The following CDH8 variants were observed in gnomAD, a reference collection of about 807,000 sequenced individuals.
CDH8 encodes cadherin-8.
A neutral mutation model predicts 68.1 loss-of-function variants in CDH8; 17 were observed. The observed-to-expected ratio is 0.25, with a 90% CI of 0.17 to 0.37. CDH8 has a LOEUF of 0.37. Among genes scored for constraint, CDH8 ranks in the 10% least tolerant of loss-of-function variants. The pLI, the probability that CDH8 is intolerant of heterozygous loss-of-function variation, is 1.00. For missense variants in CDH8, 763 were observed against 999.3 expected (o/e 0.76, Z 3.19); for synonymous variants, 372 against 365.1 (o/e 1.02, Z -0.21).
intron 4 of CDH8, among the ~76,000 whole-genome samples, chr16:61,838,112 G>A (rs943605621): frequency 2.6e-5 from 4 of 152,048 alleles, no homozygotes; most frequent in Non-Finnish European, 5.9e-5. Context: ...AGTGGCTTGT[G>A]CTTTTTATTC....
At chr16:61,930,653 C>A (rs1256933726) in intron 2 of CDH8, among the ~76,000 whole-genome samples, 3 of 152,174 alleles carry the variant, frequency 2.0e-5, no homozygotes, top group African/African-American at 7.2e-5. Flanking sequence ...GTGTTAAGAA[C>A]TATGTGGACC....
At chr16:61,720,333 C>T (rs1173947015) in intron 9 of CDH8, among the ~76,000 whole-genome samples, 2 of 150,998 alleles carry the variant, frequency 1.3e-5, no homozygotes, top group Non-Finnish European at 3.0e-5. Context: ...AAAACCTGCT[C>T]ATCATCATGG....
intron 2 of CDH8, among the ~76,000 whole-genome samples, chr16:61,926,568 C>T (rs900098328): frequency 6.6e-6 from 1 of 152,160 alleles, no homozygotes; most frequent in African/African-American, 2.4e-5. Context: ...GGTTCTGTGA[C>T]ACCTGACAGA....
rs563291791 is a variant in CDH8, at chr16:61,999,648, G to T, written c.252+21504C>A. 2.6e-5 allele frequency among the ~76,000 whole-genome samples: 4 copies of T among 152,156 alleles called. No homozygotes were observed. In the South Asian group the frequency reaches 8.3e-4, roughly 32 times the overall value. Reference sequence around the variant, plus strand: ...GATAATGGGTGTAAAGTGCCAGGTAGTGATTATGACTTTAAAGGACCCTGA... The same window carrying T: ...GATAATGGGTGTAAAGTGCCAGGTATTGATTATGACTTTAAAGGACCCTGA... On this transcript the variant is annotated intron_variant, in intron 2 of 11. Coordinates refer to ENST00000577390, the MANE Select transcript of CDH8 (RefSeq NM_001796.5).
At chr16:61,733,368 A>G (rs1032716327) in intron 8 of CDH8, among the ~76,000 whole-genome samples, 54 of 152,074 alleles carry the variant, frequency 3.6e-4, no homozygotes, top group African/African-American at 1.3e-3. Context: ...GATTTGATAA[A>G]CAGGAAGTAA....
chr16:61,894,311 A>G (rs148417990), intron 3 of CDH8, among the ~76,000 whole-genome samples: 12 of 152,312 alleles, frequency 7.9e-5, no homozygotes, highest in African/African-American at 2.9e-4. Flanking sequence ...TCATAAGTGA[A>G]GAAGACTGCA....
chr16:61,899,023 G>C (rs930477286), intron 3 of CDH8, among the ~76,000 whole-genome samples: 3 of 152,022 alleles, frequency 2.0e-5, no homozygotes, highest in Admixed American at 6.6e-5. Flanking sequence ...TACATGTGCA[G>C]AATGTGCAGG....
intron 3 of CDH8, among the ~76,000 whole-genome samples, chr16:61,893,382 C>G (rs1416587603): frequency 1.3e-5 from 2 of 151,592 alleles, no homozygotes; most frequent in African/African-American, 4.9e-5. Context: ...GGAACGCTAT[C>G]CAACCCAGTA....
chr16:61,652,603 A>G lies in CDH8; in HGVS notation c.*1005T>C. 9.7e-7 allele frequency: 1 copy of G among 1,029,812 alleles called. No homozygotes were observed. Among genetic ancestry groups the G allele is most frequent in the Non-Finnish European group, 1.2e-6 (1 of 830,140 alleles). 63.8% of individuals were successfully genotyped at this position (1,029,812 alleles called of 1,614,324 possible). ...TATTGCCTGCCATACTCATCTCATC[A>G]AAATGTACATGTATTAAACATTCAT... is the stretch of plus-strand genomic sequence containing the variant. On this transcript the variant is annotated 3_prime_UTR_variant, in exon 12 of 12. Transcript: ENST00000577390.
intron 2 of CDH8, among the ~76,000 whole-genome samples, chr16:61,999,064 T>C (rs1965851752): frequency 6.6e-6 from 1 of 152,142 alleles, no homozygotes. Context: ...ATTTAAATGA[T>C]TAGTGATGCC....
chr16:61,736,155 GGAAA>G (rs1456898796), intron 8 of CDH8, among the ~76,000 whole-genome samples: 13 of 141,760 alleles, frequency 9.2e-5, no homozygotes, highest in African/African-American at 2.9e-4. Flanking sequence ...AAGGAAGGAA[GGAAA>G]GAAGGAAGGA....
chr16:61,931,633 C>T (rs1964541246), intron 2 of CDH8, among the ~76,000 whole-genome samples: 1 of 152,122 alleles, frequency 6.6e-6, no homozygotes, highest in Non-Finnish European at 1.5e-5. Context: ...GTAACTATGC[C>T]ACCAATGTCA....
At chr16:61,776,603 A>C (rs1960905104) in intron 8 of CDH8, among the ~76,000 whole-genome samples, 1 of 152,136 alleles carries the variant, frequency 6.6e-6, no homozygotes, top group Non-Finnish European at 1.5e-5. Context: ...TGAACAAACA[A>C]TTTGAGAGAT....
chr16:61,709,319 G>A (rs1002089014), intron 10 of CDH8, among the ~76,000 whole-genome samples: 1 of 152,002 alleles, frequency 6.6e-6, no homozygotes, highest in African/African-American at 2.4e-5. Context: ...AGGTATACCT[G>A]GCTTAAGGCA....
At chr16:61,864,169 G>A (rs922025327) in intron 3 of CDH8, among the ~76,000 whole-genome samples, 1 of 152,162 alleles carries the variant, frequency 6.6e-6, no homozygotes, top group Non-Finnish European at 1.5e-5. Context: ...TTTTAAATGT[G>A]TCAGACAGAA....
chr16:61,713,128 T>A (rs572382601), intron 10 of CDH8, among the ~76,000 whole-genome samples: 23 of 151,796 alleles, frequency 1.5e-4, no homozygotes, highest in Middle Eastern at 3.4e-3. Context: ...AAATTTTTTT[T>A]AATATATGGC....
At chr16:61,723,830 T>C (rs981810805) in intron 9 of CDH8, among the ~76,000 whole-genome samples, 5 of 150,598 alleles carry the variant, frequency 3.3e-5, no homozygotes, top group Non-Finnish European at 6.0e-5. Flanking sequence ...AAGTGGAGAA[T>C]ATCCTGTTTA....
intron 2 of CDH8, among the ~76,000 whole-genome samples, chr16:61,910,110 A>G (rs974847684): frequency 6.6e-5 from 10 of 152,208 alleles, no homozygotes; most frequent in Non-Finnish European, 1.3e-4. Context: ...TTATTTTTAT[A>G]TAAGAACCCA....
intron 2 of CDH8, among the ~76,000 whole-genome samples, chr16:61,943,797 AG>A (rs1484037877): frequency 2.6e-5 from 4 of 152,234 alleles, no homozygotes; most frequent in Non-Finnish European, 5.9e-5. Context: ...ATAATATTAT[AG>A]GAAGGTATTA....
Sources: gnomAD v4.1 joint callset for allele counts (sites outside exome capture counted in the v4.1 genomes callset) on GRCh38, gnomAD v4.1.1 for gene constraint, MANE v1.5 for transcripts, NCBI Gene and HGNC (gene_info 2026-07-23, HGNC 2026-07-21) for gene names.